Variants in YWHAZ observed in about 807,000 individuals in gnomAD.
YWHAZ encodes tyrosine 3-monooxygenase/tryptophan 5-monooxygenase activation protein zeta.
For synonymous variants in YWHAZ, 87 were observed against 103.6 expected (o/e 0.84, Z 0.97); for missense variants, 79 against 284.8 (o/e 0.28, Z 5.20).
chr8:100,948,739 C>T lies in YWHAZ; in HGVS notation c.151G>A (p.Val51Ile). 6 of 1,600,016 alleles carry T rather than the reference C, an allele frequency of 3.7e-6. No homozygotes were observed. The highest frequency in any genetic ancestry group is 5.1e-6 in the Non-Finnish European group (6 of 1,179,922). Residue 51 changes from valine to isoleucine, a missense_variant, in exon 2 of 6, where the codon GTT becomes ATT. Coordinates refer to ENST00000395958, the MANE Select transcript of YWHAZ (RefSeq NM_145690.3). This position sits in a 1 kb window ranked among gnomAD's most constrained non-coding sequence, Gnocchi z 4.2. ...RNLLSVAYKN[V>I]VGARRSSWRV... Reference sequence around the variant, plus strand: ...CAAGATGACCTACGGGCTCCTACAACATTTTTATAAGCAACTGAGAGAAGA... The same window carrying T: ...CAAGATGACCTACGGGCTCCTACAATATTTTTATAAGCAACTGAGAGAAGA...
intron 2 of YWHAZ, 42 bp from the exon 3 acceptor site, chr8:100,925,081 T>C: frequency 6.4e-7 from 1 of 1,562,976 alleles, no homozygotes; most frequent in Non-Finnish European, 8.6e-7. Flanking sequence ...ATAAAACATT[T>C]ACAAAACTGA....
At chr8:100,942,863 GTGAA>G (rs1159526021) in intron 2 of YWHAZ, among the ~76,000 whole-genome samples, 2 of 152,202 alleles carry the variant, frequency 1.3e-5, no homozygotes, top group Non-Finnish European at 2.9e-5. Flanking sequence ...ACAAGTCCAA[GTGAA>G]TGACCACAAG....
chr8:100,952,916 CCT>C (rs1282078845), upstream of YWHAZ: 29 of 1,000,358 alleles, frequency 2.9e-5, no homozygotes, highest in Non-Finnish European at 3.5e-5. Flanking sequence ...GCGTCCAGCC[CCT>C]GAGTGTGGCT....
Position 100,918,443 on chromosome 8 carries a change from T to TATATATA in YWHAZ, c.*2249_*2250insTATATAT, listed in dbSNP as rs1417316114. The TATATATA allele has an allele frequency of 1.7e-5, 2 of 117,060 alleles. No homozygotes were observed. Among genetic ancestry groups the TATATATA allele is most frequent in the Non-Finnish European group, 3.5e-5 (2 of 57,490 alleles). The allele number at this position is 117,060 out of a possible 1,614,324, so 7.3% of individuals were successfully genotyped here. A position where few individuals can be genotyped will look rare whatever the true frequency, so the allele number is the denominator to read the frequency against. On this transcript the variant is annotated 3_prime_UTR_variant, in exon 6 of 6. Coordinates refer to ENST00000395958, the MANE Select transcript of YWHAZ (RefSeq NM_145690.3). ...ATATATATATATATATATATATATATAATTATTTTACCTCCTTGGCTTGGG... is the reference window on the plus strand; with the variant it reads ...ATATATATATATATATATATATATATATATATAAATTATTTTACCTCCTTGGCTTGGG...
chr8:100,938,975 C>T lies in YWHAZ; in HGVS notation c.294+9621G>A, dbSNP rs1010113633. Among the ~76,000 whole-genome samples the T allele has an allele frequency of 5.9e-5, 9 of 152,198 alleles. 1 individual carries two copies. The highest frequency in any genetic ancestry group is 1.4e-4 in the African/African-American group (6 of 41,446). ...TGAACATATGTTCTATAAATAAGGT[C>T]ATCTATAAGCAGGCTTGTGCCTAAT... On this transcript the variant is annotated intron_variant, in intron 2 of 5. Transcript: ENST00000395958.
intron 2 of YWHAZ, among the ~76,000 whole-genome samples, chr8:100,945,272 G>A (rs1810184603): frequency 6.6e-6 from 1 of 152,198 alleles, no homozygotes; most frequent in Admixed American, 6.5e-5. Context: ...CATGGTCCAA[G>A]CTCTTTGCTT....
chr8:100,929,851 A>C (rs1352343503), intron 2 of YWHAZ, among the ~76,000 whole-genome samples: 1 of 152,230 alleles, frequency 6.6e-6, no homozygotes, highest in African/African-American at 2.4e-5. Flanking sequence ...AGGAAGCAGC[A>C]GTTACAACAA....
Position 100,920,285 on chromosome 8 carries a change from C to A in YWHAZ, c.*408G>T. ...TAAGTGCTCCAAACCTTAAAGTACC[C>A]ACAATTACTACACCTGTGACTGGAA... On this transcript the variant is annotated 3_prime_UTR_variant, in exon 6 of 6. Transcript: ENST00000395958. The A allele has an allele frequency of 5.6e-6, 1 of 177,066 alleles. No individual in the cohort carries two copies. The allele number at this position is 177,066 out of a possible 1,614,324, so 11.0% of individuals were successfully genotyped here. A position where few individuals can be genotyped will look rare whatever the true frequency, so the allele number is the denominator to read the frequency against.
chr8:100,929,090 A>C (rs1308966414), intron 2 of YWHAZ, among the ~76,000 whole-genome samples: 7 of 152,208 alleles, frequency 4.6e-5, no homozygotes, highest in Non-Finnish European at 7.4e-5. Flanking sequence ...AAAAAATTTT[A>C]ATTGACAAAA....
chr8:100,952,931 G>A (rs1271642131), upstream of YWHAZ: 7 of 1,000,500 alleles, frequency 7.0e-6, no homozygotes, highest in East Asian at 3.4e-4. Flanking sequence ...GTGTGGCTGA[G>A]TGATGGGGAG....
intron 2 of YWHAZ, among the ~76,000 whole-genome samples, chr8:100,931,710 G>A (rs1370782017): frequency 1.3e-5 from 2 of 151,954 alleles, no homozygotes; most frequent in South Asian, 2.1e-4. Context: ...GCTCCCAACC[G>A]AGAGTAGGCA....
chr8:100,921,075 C>T (rs1162959588), intron 5 of YWHAZ, among the ~76,000 whole-genome samples: 2 of 152,100 alleles, frequency 1.3e-5, no homozygotes, highest in Admixed American at 6.6e-5. Flanking sequence ...CGCTCTGTCA[C>T]CAGGCTGGAG....
chr8:100,946,897 A>AC (rs1554617421), intron 2 of YWHAZ, among the ~76,000 whole-genome samples: 60 of 151,152 alleles, frequency 4.0e-4, no homozygotes, highest in African/African-American at 1.5e-3. Flanking sequence ...AAAAAAAAAA[A>AC]CAAAAAAAAC....
At position 100,916,887 on chromosome 8, in the gene YWHAZ, A is replaced by G. The variant is rs1353496082; in HGVS notation, c.*3806T>C. 1 of 139,676 alleles carries G rather than the reference A, an allele frequency of 7.2e-6. No individual in the cohort carries two copies. The highest frequency in any genetic ancestry group is 2.4e-5 in the African/African-American group (1 of 40,968). 8.7% of individuals were successfully genotyped at this position (139,676 alleles called of 1,614,324 possible). ...ACCAGTCACATAAAAGTATTTAATT[A>G]GTTTCACACTTAGAAAAGAATCCAA... On this transcript the variant is annotated 3_prime_UTR_variant, in exon 6 of 6. Coordinates refer to ENST00000395958, the MANE Select transcript of YWHAZ (RefSeq NM_145690.3).
In YWHAZ at chr8:100,948,940, T is replaced by C. The variant is rs1810504355; in HGVS notation, c.-11-40A>G. 5.9e-6 allele frequency: 9 copies of C among 1,534,020 alleles called. No individual in the cohort carries two copies. The highest frequency in any genetic ancestry group is 6.9e-6 in the Non-Finnish European group (8 of 1,151,368). ...AAAGGAGTATTTAAAATTTTTCCCA[T>C]CAAAATAAACAGACTCAAAATTATA... On this transcript the variant is annotated intron_variant, in intron 1 of 5. Transcript: ENST00000395958. The surrounding 1 kb of genome is among the most constrained non-coding windows in gnomAD (Gnocchi z 4.2).
intron 1 of YWHAZ, chr8:100,951,522 G>T (rs1039752296): frequency 2.0e-6 from 2 of 985,608 alleles, no homozygotes; most frequent in African/African-American, 1.7e-5. Flanking sequence ...CGAGAAGGGC[G>T]GCGAGGGAGG....
At position 100,922,232 on chromosome 8, in the gene YWHAZ, C is replaced by A. The variant is rs1813070160; in HGVS notation, c.679-1480G>T. ...TAATGTGTTGACAGTCTTGGTCAACCAAATTCAGAATGAAATATTAAGTTT... is the reference window on the plus strand; with the variant it reads ...TAATGTGTTGACAGTCTTGGTCAACAAAATTCAGAATGAAATATTAAGTTT... On this transcript the variant is annotated intron_variant, in intron 5 of 5. Transcript: ENST00000395958. This position sits in a 1 kb window ranked among gnomAD's most constrained non-coding sequence, Gnocchi z 4.1. Among the ~76,000 whole-genome samples the A allele has an allele frequency of 6.6e-6, 1 of 152,072 alleles. No homozygotes were observed. The highest frequency in any genetic ancestry group is 1.5e-5 in the Non-Finnish European group (1 of 68,010).
At position 100,951,965 on chromosome 8, in the gene YWHAZ, G is replaced by T; in HGVS notation, c.-48C>A. 1 of 1,004,480 alleles carries T rather than the reference G, an allele frequency of 1.0e-6. No homozygotes were observed. Among genetic ancestry groups the T allele is most frequent in the East Asian group, 1.1e-4 (1 of 9,248 alleles). 62.2% of individuals were successfully genotyped at this position (1,004,480 alleles called of 1,614,324 possible). A position where few individuals can be genotyped will look rare whatever the true frequency, so the allele number is the denominator to read the frequency against. ...GTGGGTGGTGGCGGCGGACGGACGG[G>T]CTCAGCAGTCTCTGGGCGGCGGCGG... On this transcript the variant is annotated 5_prime_UTR_variant, in exon 1 of 6. Coordinates refer to ENST00000395958, the MANE Select transcript of YWHAZ (RefSeq NM_145690.3).
chr8:100,924,345 T>C lies in YWHAZ; in HGVS notation c.419-47A>G. ...GTACTGAGATAAAGTGTGCATTATA[T>C]CTTCACCCCTCAAACCAAACCTTTA... is the stretch of plus-strand genomic sequence containing the variant. On this transcript the variant is annotated intron_variant, in intron 3 of 5. Transcript: ENST00000395958. The surrounding 1 kb of genome is among the most constrained non-coding windows in gnomAD (Gnocchi z 5.7). 6.4e-7 allele frequency: 1 copy of C among 1,567,774 alleles called. No homozygotes were observed. The highest frequency in any genetic ancestry group is 8.6e-7 in the Non-Finnish European group (1 of 1,160,270).
Sources: allele counts gnomAD v4.1 joint callset (sites outside exome capture counted in the v4.1 genomes callset), GRCh38; gene constraint gnomAD v4.1.1; non-coding constraint Gnocchi (gnomAD v3.1); transcripts MANE v1.5; gene names NCBI Gene and HGNC (gene_info 2026-07-23, HGNC 2026-07-21).